Variants in SULF1 observed in about 807,000 individuals in gnomAD.
The protein encoded by SULF1 is extracellular sulfatase Sulf-1.
SULF1 carries 46 observed loss-of-function variants against 110.5 expected under a neutral mutation model. The observed-to-expected ratio is 0.42, with a 90% CI of 0.33 to 0.53. SULF1 has a LOEUF of 0.53. SULF1 is among the 20% of genes least tolerant of loss of function. The probability of loss-of-function intolerance (pLI) is 0.12; values close to 1 mark genes in which losing one functional copy is unlikely to be tolerated. For missense variants in SULF1, 941 were observed against 1,094.2 expected, an observed-to-expected ratio of 0.86 and a Z score of 1.98; for synonymous variants, 371 against 387.1, an observed-to-expected ratio of 0.96 and a Z score of 0.49.
At chr8:69,483,768 C>A (rs1809597079) in intron 1 of SULF1, among the ~76,000 whole-genome samples, 1 of 152,062 alleles carries the variant, frequency 6.6e-6, no homozygotes, top group Admixed American at 6.6e-5. Context: ...CCAGCCTGGG[C>A]AACAGAGCAA....
chr8:69,634,907 A>G (rs1810864019), intron 19 of SULF1, among the ~76,000 whole-genome samples: 1 of 152,162 alleles, frequency 6.6e-6, no homozygotes, highest in Admixed American at 6.6e-5. Context: ...TCCCGGGTTC[A>G]AGTGATTCTC....
intron 3 of SULF1, among the ~76,000 whole-genome samples, chr8:69,555,113 G>C (rs1815021276): frequency 6.7e-6 from 1 of 150,310 alleles, no homozygotes; most frequent in African/African-American, 2.5e-5. Context: ...AGGTTCTCCT[G>C]TAAGTAATAC....
chr8:69,654,449 G>A (rs1457627404), intron 22 of SULF1, among the ~76,000 whole-genome samples: 7 of 152,188 alleles, frequency 4.6e-5, no homozygotes, highest in Non-Finnish European at 1.0e-4. Flanking sequence ...TAACCACCAG[G>A]CAGTATACCT....
chr8:69,658,260 T>A (rs1184204442), intron 22 of SULF1, among the ~76,000 whole-genome samples: 1 of 152,166 alleles, frequency 6.6e-6, no homozygotes, highest in African/African-American at 2.4e-5. Context: ...ACCGTGCCAT[T>A]TTCAGCACTA....
intron 2 of SULF1, among the ~76,000 whole-genome samples, chr8:69,497,159 T>C (rs1378071334): frequency 7.3e-6 from 1 of 137,686 alleles, no homozygotes; most frequent in Non-Finnish European, 1.6e-5. Flanking sequence ...TTTTCTCTTT[T>C]TTTTTTTTTT....
At chr8:69,643,991 T>TC (rs1449266615) in intron 22 of SULF1, among the ~76,000 whole-genome samples, 9 of 152,234 alleles carry the variant, frequency 5.9e-5, no homozygotes, top group African/African-American at 1.7e-4. Flanking sequence ...TGGCCATGTG[T>TC]CCCGGGGGTG....
intron 22 of SULF1, among the ~76,000 whole-genome samples, chr8:69,642,803 C>G (rs1811582182): frequency 6.6e-6 from 1 of 152,076 alleles, no homozygotes; most frequent in Non-Finnish European, 1.5e-5. Context: ...TCACCCCTGG[C>G]CAACTTTGAA....
rs1392970883 is a variant in SULF1 at position 69,658,947 on chromosome 8, G to A, written c.*412G>A. 2.2e-6 allele frequency: 1 copy of A among 460,826 alleles called. No homozygotes were observed. Among genetic ancestry groups the A allele is most frequent in the East Asian group, 6.8e-5 (1 of 14,640 alleles). The allele number at this position is 460,826 out of a possible 1,614,324, so 28.5% of individuals were successfully genotyped here. Reference sequence around the variant, plus strand: ...ACGACATTCCAGAAGTTAATCATTTGAATTCTGAACACTGGAGAAAAACCG... The same window carrying A: ...ACGACATTCCAGAAGTTAATCATTTAAATTCTGAACACTGGAGAAAAACCG... On this transcript the variant is annotated 3_prime_UTR_variant, in exon 23 of 23. Transcript: ENST00000402687.
At chr8:69,594,189 T>A (rs1158614968) in intron 8 of SULF1, among the ~76,000 whole-genome samples, 1 of 152,156 alleles carries the variant, frequency 6.6e-6, no homozygotes, top group Non-Finnish European at 1.5e-5. Flanking sequence ...GTAGCTGGAA[T>A]TACAGGCATG....
chr8:69,540,853 T>C lies in SULF1; in HGVS notation c.-133-22686T>C, dbSNP rs557306803. Among the ~76,000 whole-genome samples, 4 of 152,268 alleles carry C rather than the reference T, an allele frequency of 2.6e-5. No individual in the cohort carries two copies. In the East Asian group the frequency reaches 7.7e-4, roughly 29 times the overall value. Reference sequence around the variant, plus strand: ...GTAATTTTCACAAGACCTGTCAAATTCTAGATGACTGCAGGCATTTCATTA... The same window carrying C: ...GTAATTTTCACAAGACCTGTCAAATCCTAGATGACTGCAGGCATTTCATTA... On this transcript the variant is annotated intron_variant, in intron 3 of 22. Coordinates refer to ENST00000402687, the MANE Select transcript of SULF1 (RefSeq NM_001128205.2).
Position 69,660,689 on chromosome 8 carries a change from T to C in SULF1, c.*2154T>C, listed in dbSNP as rs1813044448. Reference sequence around the variant, plus strand: ...ATCTTTATCATAGACTCTGTACATATGTTCAAATTAGCTGCTTGCCTGATG... The same window carrying C: ...ATCTTTATCATAGACTCTGTACATACGTTCAAATTAGCTGCTTGCCTGATG... On this transcript the variant is annotated 3_prime_UTR_variant, in exon 23 of 23. Coordinates refer to ENST00000402687, the MANE Select transcript of SULF1 (RefSeq NM_001128205.2). 1 of 152,660 alleles carries C rather than the reference T, an allele frequency of 6.6e-6. No individual in the cohort carries two copies. Among genetic ancestry groups the C allele is most frequent in the Admixed American group, 6.5e-5 (1 of 15,282 alleles). The allele number at this position is 152,660 out of a possible 1,614,324, so 9.5% of individuals were successfully genotyped here.
At chr8:69,509,187 G>A (rs544254271) in intron 3 of SULF1, among the ~76,000 whole-genome samples, 3 of 152,226 alleles carry the variant, frequency 2.0e-5, no homozygotes, top group East Asian at 1.9e-4. Context: ...GCATTACATG[G>A]TGATCATTAG....
intron 15 of SULF1, 67 bp downstream of exon 15, chr8:69,624,264 A>G: frequency 6.6e-7 from 1 of 1,507,962 alleles, no homozygotes; most frequent in Admixed American, 2.3e-5. Context: ...CCATATTATC[A>G]CCATTTTGCA....
chr8:69,649,045 A>T (rs1394015083), intron 22 of SULF1, among the ~76,000 whole-genome samples: 1 of 152,208 alleles, frequency 6.6e-6, no homozygotes, highest in African/African-American at 2.4e-5. Context: ...GCCTATCTAT[A>T]CCTTTTCTCT....
At chr8:69,562,657 C>T (rs1217662901) in intron 3 of SULF1, among the ~76,000 whole-genome samples, 2 of 152,166 alleles carry the variant, frequency 1.3e-5, no homozygotes, top group African/African-American at 4.8e-5. Context: ...TCAAAAGCCT[C>T]CTTCTGTGCA....
At chr8:69,600,854 A>G in intron 9 of SULF1, 101 bp downstream of exon 9, 1 of 1,303,504 alleles carries the variant, frequency 7.7e-7, no homozygotes, top group South Asian at 1.5e-5. Flanking sequence ...TTCATTTTCC[A>G]GCATCATTTT....
chr8:69,592,711 A>G (rs1425113885), intron 8 of SULF1, among the ~76,000 whole-genome samples: 1 of 152,258 alleles, frequency 6.6e-6, no homozygotes, highest in African/African-American at 2.4e-5. Context: ...CATAAGTGTC[A>G]ATTCTTATTG....
Position 69,554,709 on chromosome 8 carries a change from G to T in SULF1, c.-133-8830G>T, listed in dbSNP as rs149075167. 2.9e-3 allele frequency among the ~76,000 whole-genome samples: 446 copies of T among 151,878 alleles called. 6 individuals carry two copies. Among genetic ancestry groups the T allele is most frequent in the African/African-American group, 0.01 (428 of 41,458 alleles). ...GAAAGAAAGAAATTGGTGAGTCGCC[G>T]TGGCTCACACCTGTAATCCTAGCAC... On this transcript the variant is annotated intron_variant, in intron 3 of 22. Coordinates refer to ENST00000402687, the MANE Select transcript of SULF1 (RefSeq NM_001128205.2).
intron 8 of SULF1, among the ~76,000 whole-genome samples, chr8:69,590,184 C>T (rs950728663): frequency 6.6e-6 from 1 of 152,002 alleles, no homozygotes; most frequent in African/African-American, 2.4e-5. Context: ...TTTTTTGAGA[C>T]AGAGTCTTGC....
Sources: allele counts gnomAD v4.1 joint callset (sites outside exome capture counted in the v4.1 genomes callset), GRCh38; gene constraint gnomAD v4.1.1; transcripts MANE v1.5; gene names NCBI Gene and HGNC (gene_info 2026-07-23, HGNC 2026-07-21).